The following TRPC4AP variants were observed in gnomAD, a reference collection of about 807,000 sequenced individuals.
The protein encoded by TRPC4AP is transient receptor potential cation channel subfamily C member 4 associated protein.
In TRPC4AP, 45 loss-of-function variants were observed where a neutral mutation model predicts 99.0. The observed-to-expected ratio is 0.45, with a 90% CI of 0.36 to 0.58. TRPC4AP has a LOEUF of 0.58. TRPC4AP is among the 20% of genes least tolerant of loss of function. The pLI is 0.00. For synonymous variants in TRPC4AP, 408 were observed against 385.8 expected, an observed-to-expected ratio of 1.06 and a Z score of -0.67; for missense variants, 879 against 985.3, an observed-to-expected ratio of 0.89 and a Z score of 1.44.
rs374664410 is a variant in TRPC4AP at position 35,021,219 on chromosome 20, C to T, written c.1189G>A (p.Val397Met). The T allele has an allele frequency of 1.7e-5, 27 of 1,613,780 alleles. No homozygotes were observed. Among genetic ancestry groups the T allele is most frequent in the Non-Finnish European group, 2.2e-5 (26 of 1,179,870 alleles). Residue 397 changes from valine (V) to methionine (M), a missense_variant, in exon 9 of 19, where the codon GTG becomes ATG. Around this residue, in one of 3 missense-constraint regions of TRPC4AP, gnomAD observed 603 missense variants for 631.8 expected, o/e 0.95. Transcript: ENST00000252015. ...YKLEVLYVLCVLLMGRQRNQV... is the reference protein window; with the variant it reads ...YKLEVLYVLCMLLMGRQRNQV... The stretch of plus-strand genomic sequence containing the variant: ...TTTCGCTGACGCCCCATCAGCAGCA[C>T]GCAGAGGACATAGAGCACTTCCAGT...
At chr20:35,045,922 G>A (rs1275790708) in intron 6 of TRPC4AP, among the ~76,000 whole-genome samples, 2 of 152,136 alleles carry the variant, frequency 1.3e-5, no homozygotes, top group African/African-American at 2.4e-5. Context: ...TCCCACCTTG[G>A]CCTCCTAAAC....
intron 2 of TRPC4AP, among the ~76,000 whole-genome samples, chr20:35,071,065 AG>A (rs1355996137): frequency 6.6e-6 from 1 of 152,082 alleles, no homozygotes; most frequent in African/African-American, 2.4e-5. Context: ...TTTTTAAACA[AG>A]TTTAAGAAGC....
intron 6 of TRPC4AP, among the ~76,000 whole-genome samples, chr20:35,046,276 T>C (rs1023525227): frequency 6.6e-6 from 1 of 152,198 alleles, no homozygotes; most frequent in Non-Finnish European, 1.5e-5. Flanking sequence ...ATGGAATGCC[T>C]TGTGCTATTT....
intron 10 of TRPC4AP, among the ~76,000 whole-genome samples, chr20:35,015,524 G>GTGAT (rs1569086907): frequency 8.8e-5 from 13 of 148,490 alleles, no homozygotes; most frequent in Non-Finnish European, 1.9e-4. Flanking sequence ...GTCCAGTGGC[G>GTGAT]TGATCTCAGC....
chr20:35,056,607 G>A (rs917720594), intron 4 of TRPC4AP, among the ~76,000 whole-genome samples: 2 of 152,068 alleles, frequency 1.3e-5, no homozygotes, highest in African/African-American at 4.8e-5. Flanking sequence ...AAGTTGGTAG[G>A]AGGGCATTCA....
chr20:35,069,683 G>T (rs955281528), intron 2 of TRPC4AP, among the ~76,000 whole-genome samples: 1 of 152,182 alleles, frequency 6.6e-6, no homozygotes, highest in South Asian at 2.1e-4. Context: ...GCTCACACCT[G>T]TAATCCCAGC....
At chr20:35,044,421 G>T in intron 7 of TRPC4AP, 84 bp downstream of exon 7, 92 of 1,132,908 alleles carry the variant, frequency 8.1e-5, no homozygotes, top group Non-Finnish European at 1.1e-4. Context: ...AAAAAGAAAA[G>T]AAAAGAAAAA....
At chr20:35,006,343 G>T in intron 15 of TRPC4AP, 92 bp downstream of exon 15, 2 of 1,503,692 alleles carry the variant, frequency 1.3e-6, no homozygotes, top group Non-Finnish European at 1.8e-6. Context: ...CGTCTCTAAC[G>T]TAAAACCTGT....
Position 35,034,122 on chromosome 20 carries a change from G to T in TRPC4AP, c.1051+1001C>A, listed in dbSNP as rs1384927427. On this transcript the variant is annotated intron_variant, in intron 8 of 18. Coordinates refer to ENST00000252015, the MANE Select transcript of TRPC4AP (RefSeq NM_015638.3). ...ATTGCGCCACTGCAGTCCGCAGTCCGACCTGGGCGACAGAGCGAGACTCCG... is the reference window on the plus strand; with the variant it reads ...ATTGCGCCACTGCAGTCCGCAGTCCTACCTGGGCGACAGAGCGAGACTCCG... 3.8e-4 allele frequency among the ~76,000 whole-genome samples: 36 copies of T among 94,900 alleles called. 12 individuals carry two copies. The highest frequency in any genetic ancestry group is 7.1e-4 in the Non-Finnish European group (35 of 48,956). The allele number at this position is 94,900 out of a possible 152,430, so 62.3% of individuals were successfully genotyped here.
At chr20:35,085,029 A>T (rs1171219519) in intron 1 of TRPC4AP, among the ~76,000 whole-genome samples, 2 of 152,190 alleles carry the variant, frequency 1.3e-5, no homozygotes, top group Non-Finnish European at 1.5e-5. Context: ...GAGCGAAGAA[A>T]ATAGATAGTA....
chr20:35,073,937 C>CA (rs1335657155), intron 2 of TRPC4AP, among the ~76,000 whole-genome samples: 1 of 152,200 alleles, frequency 6.6e-6, no homozygotes, highest in Non-Finnish European at 1.5e-5. Flanking sequence ...ATTATTGCCT[C>CA]AACTTCAGAG....
chr20:35,071,528 G>A (rs888668194), intron 2 of TRPC4AP, among the ~76,000 whole-genome samples: 1 of 147,920 alleles, frequency 6.8e-6, no homozygotes, highest in African/African-American at 2.5e-5. Context: ...GAGAACACAC[G>A]GTGTTTGGTT....
chr20:35,035,761 A>T (rs1392980151), intron 7 of TRPC4AP, among the ~76,000 whole-genome samples: 2 of 152,258 alleles, frequency 1.3e-5, no homozygotes, highest in African/African-American at 4.8e-5. Context: ...GGAATACTGC[A>T]TAGACACTAA....
chr20:35,047,173 ACTT>A (rs35758054), intron 6 of TRPC4AP, among the ~76,000 whole-genome samples: 21,122 of 152,016 alleles, frequency 0.14, 1,830 homozygotes, highest in African/African-American at 0.25. Context: ...CCAAGAATTT[ACTT>A]CTTATGTTTT....
intron 3 of TRPC4AP, among the ~76,000 whole-genome samples, chr20:35,065,443 G>C (rs566667960): frequency 6.6e-6 from 1 of 152,302 alleles, no homozygotes; most frequent in African/African-American, 2.4e-5. Context: ...GTCATGTTAT[G>C]GATAGGGTCA....
chr20:35,055,003 C>G lies in TRPC4AP; in HGVS notation c.501G>C (p.Leu167Phe). The G allele has an allele frequency of 6.2e-7, 1 of 1,613,868 alleles. No individual in the cohort carries two copies. The highest frequency in any genetic ancestry group is 8.5e-7 in the Non-Finnish European group (1 of 1,179,852). The change falls in exon 5 of 19, where the codon TTG becomes TTC. Residue 167 changes from leucine to phenylalanine, a missense_variant. By Grantham distance (22) the Leu-to-Phe change is conservative. Transcript: ENST00000252015. Reference sequence around the variant, plus strand: ...AGACACAGGTATTATACAGGATACTCAAGCAGTCCTTGGACATTTCATCAC... The same window carrying G: ...AGACACAGGTATTATACAGGATACTGAAGCAGTCCTTGGACATTTCATCAC... ...KISDEMSKDC[L>F]SILYNTCVCT...
rs938187622 is a variant in TRPC4AP, at chr20:35,012,952, G to A, written c.1409+56C>T. On this transcript the variant is annotated intron_variant, in intron 11 of 18. Transcript: ENST00000252015. Reference sequence around the variant, plus strand: ...AGGTCAGGGACCAGACAAGGAGATCGAGGCCTTCCGAAGACAGCCCAACAA... The same window carrying A: ...AGGTCAGGGACCAGACAAGGAGATCAAGGCCTTCCGAAGACAGCCCAACAA... 6.3e-6 allele frequency: 10 copies of A among 1,577,116 alleles called. No individual in the cohort carries two copies. In the Admixed American group the frequency reaches 6.7e-5, roughly 11 times the overall value.
chr20:35,016,215 C>T, intron 9 of TRPC4AP, 76 bp from the exon 10 acceptor site: 3 of 1,548,672 alleles, frequency 1.9e-6, no homozygotes, highest in Non-Finnish European at 1.8e-6. Flanking sequence ...GCTCAGTACA[C>T]ACGATAATGA....
At chr20:35,086,517 G>GTA in intron 1 of TRPC4AP, among the ~76,000 whole-genome samples, 1 of 36,664 alleles carries the variant, frequency 2.7e-5, no homozygotes. Context: ...ATGTGTGTGT[G>GTA]TGTATATATG....
Sources: allele counts gnomAD v4.1 joint callset (sites outside exome capture counted in the v4.1 genomes callset), GRCh38; gene constraint gnomAD v4.1.1; regional missense constraint gnomAD v4.1.1; transcripts MANE v1.5; gene names NCBI Gene and HGNC (gene_info 2026-07-23, HGNC 2026-07-21).